Variants in FRMD3 observed in about 807,000 individuals in gnomAD.
FRMD3 encodes FERM domain-containing protein 3.
In FRMD3, 33 loss-of-function variants were observed where a neutral mutation model predicts 70.2. The observed-to-expected ratio is 0.47, with a 90% CI of 0.36 to 0.63. FRMD3 has a LOEUF of 0.63. FRMD3 is among the 20% of genes least tolerant of loss of function. The pLI is 0.00. For missense variants in FRMD3, 632 were observed against 711.4 expected, an observed-to-expected ratio of 0.89 and a Z score of 1.27; for synonymous variants, 279 against 255.9, an observed-to-expected ratio of 1.09 and a Z score of -0.86.
chr9:83,447,817 G>A (rs1450007618), intron 1 of FRMD3, among the ~76,000 whole-genome samples: 1 of 152,148 alleles, frequency 6.6e-6, no homozygotes, highest in Non-Finnish European at 1.5e-5. Context: ...TGTTCTGGCC[G>A]AGTCACCTCA....
At chr9:83,349,867 G>T in intron 3 of FRMD3, 110 bp from the exon 4 acceptor site, 1 of 705,426 alleles carries the variant, frequency 1.4e-6, no homozygotes. Flanking sequence ...GGGAGTGGGG[G>T]CCAGGAGGGG....
intron 13 of FRMD3, among the ~76,000 whole-genome samples, chr9:83,261,305 T>C (rs1267373913): frequency 1.3e-5 from 2 of 152,148 alleles, no homozygotes; most frequent in Admixed American, 1.3e-4. Flanking sequence ...CTAAACTCTC[T>C]CTTCTCCAAG....
the FRMD3 span, among the ~76,000 whole-genome samples, chr9:83,557,064 A>G: frequency 6.6e-6 from 1 of 152,170 alleles, no homozygotes; most frequent in African/African-American, 2.4e-5. Flanking sequence ...TATTTATGAA[A>G]AGCTTTTAAA....
intron 12 of FRMD3, among the ~76,000 whole-genome samples, chr9:83,295,242 A>T (rs141593066): frequency 9.2e-5 from 14 of 152,342 alleles, no homozygotes; most frequent in Non-Finnish European, 1.8e-4. Flanking sequence ...GGCAAGAAAA[A>T]TACCATATTT....
intron 1 of FRMD3, among the ~76,000 whole-genome samples, chr9:83,473,073 A>G (rs538430384): frequency 6.6e-6 from 1 of 152,202 alleles, no homozygotes; most frequent in Admixed American, 6.5e-5. Flanking sequence ...TTAACCTCCA[A>G]AATCAATCAT....
At chr9:83,303,932 C>T (rs1189594546) in intron 10 of FRMD3, among the ~76,000 whole-genome samples, 1 of 152,218 alleles carries the variant, frequency 6.6e-6, no homozygotes, top group East Asian at 1.9e-4. Context: ...CCCTAAGCAA[C>T]CGCTCATCTA....
intron 13 of FRMD3, among the ~76,000 whole-genome samples, chr9:83,265,605 AAAG>A (rs561933590): frequency 3.1e-4 from 47 of 152,232 alleles, no homozygotes; most frequent in Non-Finnish European, 5.4e-4. Context: ...GCAGTTCTGC[AAAG>A]AAGAAATGAA....
At chr9:83,452,112 G>A (rs1027124737) in intron 1 of FRMD3, among the ~76,000 whole-genome samples, 1 of 152,146 alleles carries the variant, frequency 6.6e-6, no homozygotes, top group East Asian at 1.9e-4. Context: ...ATGCTGATGG[G>A]GGAACAAATA....
intron 2 of FRMD3, among the ~76,000 whole-genome samples, chr9:83,386,068 A>G (rs898662287): frequency 6.6e-6 from 1 of 152,166 alleles, no homozygotes; most frequent in Non-Finnish European, 1.5e-5. Context: ...GCATTGATAT[A>G]CCTTATCTTT....
At chr9:83,335,128 T>G (rs1291340589) in intron 6 of FRMD3, among the ~76,000 whole-genome samples, 1 of 152,198 alleles carries the variant, frequency 6.6e-6, no homozygotes, top group Admixed American at 6.5e-5. Flanking sequence ...TGGATTCTAT[T>G]CTACTTGGAG....
chr9:83,420,129 G>A (rs1826588396), intron 1 of FRMD3, among the ~76,000 whole-genome samples: 1 of 152,204 alleles, frequency 6.6e-6, no homozygotes, highest in Non-Finnish European at 1.5e-5. Flanking sequence ...CTGGCACTTA[G>A]TTTCCTATAA....
intron 6 of FRMD3, among the ~76,000 whole-genome samples, chr9:83,323,241 T>A (rs1033568907): frequency 2.0e-5 from 3 of 152,248 alleles, no homozygotes; most frequent in Non-Finnish European, 2.9e-5. Flanking sequence ...CATAGTAGTG[T>A]TATTTGTAAT....
At chr9:83,488,984 G>C in intron 1 of FRMD3, among the ~76,000 whole-genome samples, 1 of 95,320 alleles carries the variant, frequency 1.0e-5, no homozygotes, top group Non-Finnish European at 2.2e-5. Flanking sequence ...GTGTGTGTGT[G>C]TGTGTGTGTG....
chr9:83,476,221 T>C (rs952362929), intron 1 of FRMD3, among the ~76,000 whole-genome samples: 1 of 151,978 alleles, frequency 6.6e-6, no homozygotes, highest in Admixed American at 6.6e-5. Flanking sequence ...CCGTCCCTAC[T>C]AAAAATACAA....
chr9:83,298,324 C>T (rs1217646364), intron 12 of FRMD3, among the ~76,000 whole-genome samples: 5 of 152,166 alleles, frequency 3.3e-5, no homozygotes, highest in Non-Finnish European at 5.9e-5. Context: ...TCCTTCATTC[C>T]TCTGCATGGC....
At chr9:83,494,970 G>C (rs956037510) in intron 1 of FRMD3, among the ~76,000 whole-genome samples, 4 of 152,010 alleles carry the variant, frequency 2.6e-5, no homozygotes, top group Non-Finnish European at 5.9e-5. Flanking sequence ...TATTTCCAAT[G>C]TCATCAATTT....
chr9:83,388,445 G>A (rs1410161139), intron 2 of FRMD3, among the ~76,000 whole-genome samples: 1 of 152,196 alleles, frequency 6.6e-6, no homozygotes, highest in Non-Finnish European at 1.5e-5. Context: ...GTAAGAAGCA[G>A]AGACCCAAGT....
intron 6 of FRMD3, among the ~76,000 whole-genome samples, chr9:83,321,093 T>C (rs1158657421): frequency 1.3e-5 from 2 of 152,144 alleles, no homozygotes; most frequent in Admixed American, 6.5e-5. Flanking sequence ...TTAGTCTAGA[T>C]AATGGTTTAT....
chr9:83,416,870 A>G (rs1406526902), intron 1 of FRMD3, among the ~76,000 whole-genome samples: 4 of 151,170 alleles, frequency 2.6e-5, no homozygotes, highest in African/African-American at 9.7e-5. Context: ...GTTGCTTCAC[A>G]TCACAAACTC....
Sources: allele counts gnomAD v4.1 joint callset (sites outside exome capture counted in the v4.1 genomes callset), GRCh38; gene constraint gnomAD v4.1.1; transcripts MANE v1.5; gene names NCBI Gene and HGNC (gene_info 2026-07-23, HGNC 2026-07-21).